KIN: variants seen among roughly 807,000 people sequenced by gnomAD.
KIN encodes the protein Kin17 DNA and RNA binding protein.
KIN carries 47 observed loss-of-function variants against 63.0 expected under a neutral mutation model. The ratio of observed to expected loss-of-function variants is 0.75; its 90% CI spans 0.59 to 0.95. The LOEUF (loss-of-function observed/expected upper bound fraction) is 0.95. KIN is among the 40% of genes least tolerant of loss of function. KIN has a pLI of 0.00. For missense variants in KIN, 408 were observed against 460.9 expected, an observed-to-expected ratio of 0.89 and a Z score of 1.05; for synonymous variants, 160 against 157.7, an observed-to-expected ratio of 1.01 and a Z score of -0.11.
chr10:7,783,024 TA>T (rs1303076676), intron 2 of KIN, 56 bp downstream of exon 2: 2 of 788,184 alleles, frequency 2.5e-6, no homozygotes, highest in Non-Finnish European at 4.1e-6. Flanking sequence ...ATTAACCATC[TA>T]TTAAATGTTC....
intron 11 of KIN, 135 bp downstream of exon 11, chr10:7,762,322 A>T (rs1005369801): frequency 4.0e-6 from 2 of 501,854 alleles, no homozygotes; most frequent in Non-Finnish European, 7.1e-6. Flanking sequence ...CCAAACAGAG[A>T]TGAGTTACGC....
At chr10:7,776,514 G>C (rs1371149326) in intron 5 of KIN, among the ~76,000 whole-genome samples, 1 of 150,068 alleles carries the variant, frequency 6.7e-6, no homozygotes, top group Non-Finnish European at 1.5e-5. Flanking sequence ...TTCACTCCAG[G>C]CTGGGTGAAA....
In KIN at chr10:7,751,873, A is replaced by T. The variant is rs1835249008; in HGVS notation, c.*4207T>A. The T allele has an allele frequency of 1.1e-3, 2 of 1,760 alleles. 1 individual carries two copies. Among genetic ancestry groups the T allele is most frequent in the African/African-American group, 5.1e-3 (2 of 390 alleles). The allele number at this position is 1,760 out of a possible 1,614,324, so 0.1% of individuals were successfully genotyped here. On this transcript the variant is annotated 3_prime_UTR_variant, in exon 13 of 13. Coordinates refer to ENST00000379562, the MANE Select transcript of KIN (RefSeq NM_012311.4). ...TGGTCTTAAAAGTAACGATGTACTA[A>T]AAATACAAAAAATTAGCCGGGCGCG...
At chr10:7,768,285 CA>C (rs1253024255) in intron 8 of KIN, among the ~76,000 whole-genome samples, 1 of 152,114 alleles carries the variant, frequency 6.6e-6, no homozygotes, top group Non-Finnish European at 1.5e-5. Context: ...TTTGGGAGGT[CA>C]AGGTAGGCAG....
Position 7,774,898 on chromosome 10 carries a change from GA to G in KIN, c.608-8del. 1 of 1,601,818 alleles carries G rather than the reference GA, an allele frequency of 6.2e-7. No homozygotes were observed. The highest frequency in any genetic ancestry group is 8.5e-7 in the Non-Finnish European group (1 of 1,170,504). On this transcript the variant is annotated splice_region_variant and splice_polypyrimidine_tract_variant and intron_variant, in intron 6 of 12. Coordinates refer to ENST00000379562, the MANE Select transcript of KIN (RefSeq NM_012311.4). The stretch of plus-strand genomic sequence containing the variant: ...TTACTCAAATTAAACGTGACTAGAA[GA>G]AAAAAATGTTATTCCATACATACAT...
Position 7,763,725 on chromosome 10 carries a change from TAAC to T in KIN, c.913_915del (p.Val305del). On this transcript the variant is annotated inframe_deletion, in exon 10 of 13. Transcript: ENST00000379562. ...CATTCATAATTGCACGTCCTTACCT[TAAC>T]AATAGCCTTTTTCTTATGATATTTC... 6.8e-7 allele frequency: 1 copy of T among 1,474,056 alleles called. No individual in the cohort carries two copies. The highest frequency in any genetic ancestry group is 1.2e-5 in the South Asian group (1 of 83,096). 91.3% of individuals were successfully genotyped at this position (1,474,056 alleles called of 1,614,324 possible). A position where few individuals can be genotyped will look rare whatever the true frequency, so the allele number is the denominator to read the frequency against.
intron 8 of KIN, 95 bp from the exon 9 acceptor site, chr10:7,766,198 G>T (rs1835540556): frequency 4.0e-6 from 3 of 759,012 alleles, no homozygotes. Flanking sequence ...ATAAAACTGT[G>T]AAGTCCTCTA....
intron 5 of KIN, among the ~76,000 whole-genome samples, chr10:7,777,226 A>C (rs951185871): frequency 2.0e-5 from 3 of 147,644 alleles, no homozygotes. Context: ...TAAGGCAATA[A>C]ACTTTAGGAA....
At chr10:7,766,143 C>T (rs1835539443) in intron 8 of KIN, 40 bp from the exon 9 acceptor site, 4 of 1,414,108 alleles carry the variant, frequency 2.8e-6, no homozygotes, top group Non-Finnish European at 3.0e-6. Context: ...TCCCTAAAAT[C>T]CTCATTGGAT....
At position 7,764,804 on chromosome 10, in the gene KIN, G is replaced by A. The variant is rs558298849; in HGVS notation, c.850-1013C>T. Reference sequence around the variant, plus strand: ...TTGGAAGATAATTCATTACATCACTGTACTTATTGGCCCTTATCCACAGTA... The same window carrying A: ...TTGGAAGATAATTCATTACATCACTATACTTATTGGCCCTTATCCACAGTA... On this transcript the variant is annotated intron_variant, in intron 9 of 12. Coordinates refer to ENST00000379562, the MANE Select transcript of KIN (RefSeq NM_012311.4). Among the ~76,000 whole-genome samples the A allele has an allele frequency of 2.6e-5, 4 of 152,272 alleles. No individual in the cohort carries two copies. The South Asian group carries it at 8.3e-4, about 32-fold the overall frequency.
In KIN at chr10:7,767,997, C is replaced by T. The variant is rs74121653; in HGVS notation, c.798+1219G>A. Among the ~76,000 whole-genome samples the T allele has an allele frequency of 7.1e-3, 1,085 of 152,182 alleles. 9 individuals carry two copies. The highest frequency in any genetic ancestry group is 0.025 in the African/African-American group (1,025 of 41,508). ...CTTCTTGTATTCATTTACTCTTTCTCCTCTATCCTGCCTCTTCTCTCCCAC... is the reference window on the plus strand; with the variant it reads ...CTTCTTGTATTCATTTACTCTTTCTTCTCTATCCTGCCTCTTCTCTCCCAC... On this transcript the variant is annotated intron_variant, in intron 8 of 12. Transcript: ENST00000379562.
chr10:7,777,829 G>A (rs903826917), intron 5 of KIN, among the ~76,000 whole-genome samples: 5 of 151,706 alleles, frequency 3.3e-5, no homozygotes, highest in African/African-American at 7.3e-5. Flanking sequence ...AACCCAGGAG[G>A]CGGGGGTTGC....
At chr10:7,787,127 T>C (rs1236863641) in intron 1 of KIN, among the ~76,000 whole-genome samples, 1 of 152,222 alleles carries the variant, frequency 6.6e-6, no homozygotes, top group Admixed American at 6.5e-5. Flanking sequence ...TGAGCCACTC[T>C]ATATATACTT....
intron 4 of KIN, among the ~76,000 whole-genome samples, chr10:7,779,631 G>T (rs1835856920): frequency 6.6e-6 from 1 of 152,048 alleles, no homozygotes; most frequent in African/African-American, 2.4e-5. Flanking sequence ...TAACAATAGA[G>T]TATAAAAACT....
rs1835258461 is a variant in KIN, at chr10:7,752,441, G to A, written c.*3639C>T. On this transcript the variant is annotated 3_prime_UTR_variant, in exon 13 of 13. Transcript: ENST00000379562. ...GACAACATCAAATGCTGACGGAGAT[G>A]CAGAGCAGCAGGAACTCTCATTCAC... 3 of 152,346 alleles carry A rather than the reference G, an allele frequency of 2.0e-5. No individual in the cohort carries two copies. The highest frequency in any genetic ancestry group is 1.9e-4 in the East Asian group (1 of 5,186). 9.4% of individuals were successfully genotyped at this position (152,346 alleles called of 1,614,324 possible). A position where few individuals can be genotyped will look rare whatever the true frequency, so the allele number is the denominator to read the frequency against.
Position 7,787,967 on chromosome 10 carries a change from A to C in KIN, c.-34T>G, listed in dbSNP as rs1370461736. ...CGGCAGCGATCACTTTCTGGACCCC[A>C]GTACTCAGCCAGCCGGAAACGGAAC... On this transcript the variant is annotated 5_prime_UTR_variant, in exon 1 of 13. Transcript: ENST00000379562. 6.6e-7 allele frequency: 1 copy of C among 1,522,394 alleles called. No individual in the cohort carries two copies. Among genetic ancestry groups the C allele is most frequent in the Non-Finnish European group, 9.1e-7 (1 of 1,096,566 alleles). 94.3% of individuals were successfully genotyped at this position (1,522,394 alleles called of 1,614,324 possible). A position where few individuals can be genotyped will look rare whatever the true frequency, so the allele number is the denominator to read the frequency against.
chr10:7,774,997 T>G, intron 6 of KIN, 106 bp from the exon 7 acceptor site: 1 of 798,308 alleles, frequency 1.3e-6, no homozygotes, highest in Non-Finnish European at 2.1e-6. Flanking sequence ...CAGGACATTT[T>G]CAATAAACGA....
chr10:7,768,948 C>T (rs1310702830), intron 8 of KIN, among the ~76,000 whole-genome samples: 1 of 152,026 alleles, frequency 6.6e-6, no homozygotes, highest in East Asian at 1.9e-4. Context: ...ACCTGGGAAG[C>T]GGAGGTTGCA....
At chr10:7,756,828 T>C (rs1409140314) in intron 12 of KIN, among the ~76,000 whole-genome samples, 1 of 152,184 alleles carries the variant, frequency 6.6e-6, no homozygotes, top group African/African-American at 2.4e-5. Flanking sequence ...GTCCAGATTA[T>C]AAAAAGAGTC....
Sources: allele counts gnomAD v4.1 joint callset (sites outside exome capture counted in the v4.1 genomes callset), GRCh38; gene constraint gnomAD v4.1.1; transcripts MANE v1.5; gene names NCBI Gene and HGNC (gene_info 2026-07-23, HGNC 2026-07-21).